CFTR: variants seen among roughly 807,000 people sequenced by gnomAD.
The protein encoded by CFTR is cystic fibrosis transmembrane conductance regulator.
In CFTR, 181 loss-of-function variants were observed where a neutral mutation model predicts 171.6. That is an observed-to-expected ratio of 1.05 (90% CI 0.93 to 1.19). The LOEUF is 1.19. CFTR is among the 50% of genes most tolerant of loss of function. CFTR has a pLI of 0.00. For missense variants in CFTR, 1,968 were observed against 1,734.7 expected, an observed-to-expected ratio of 1.13 and a Z score of -2.39; for synonymous variants, 583 against 608.0, an observed-to-expected ratio of 0.96 and a Z score of 0.60.
At chr7:117,612,030 T>TATATATATATATAC (rs1792405141) in intron 20 of CFTR, among the ~76,000 whole-genome samples, 5 of 75,328 alleles carry the variant, frequency 6.6e-5, no homozygotes, top group Non-Finnish European at 1.4e-4. Flanking sequence ...TATGTATATA[T>TATATATATATATAC]ATATATATAT....
rs745374522 is a variant in CFTR, at chr7:117,504,246, A to G, written c.54-7A>G. Reference sequence around the variant, plus strand: ...GTGAATATCTGTTCCTCCTCTCTTTATTTTAGCTGGACCAGACCAATTTTG... The same window carrying G: ...GTGAATATCTGTTCCTCCTCTCTTTGTTTTAGCTGGACCAGACCAATTTTG... On this transcript the variant is annotated splice_region_variant and splice_polypyrimidine_tract_variant and intron_variant, in intron 1 of 26. Coordinates refer to ENST00000003084, the MANE Select transcript of CFTR (RefSeq NM_000492.4). The G allele has an allele frequency of 6.5e-7, 1 of 1,545,268 alleles. No homozygotes were observed. The highest frequency in any genetic ancestry group is 1.1e-5 in the South Asian group (1 of 89,702).
intron 3 of CFTR, among the ~76,000 whole-genome samples, chr7:117,515,690 A>G (rs1365156290): frequency 1.3e-5 from 2 of 152,222 alleles, no homozygotes; most frequent in Non-Finnish European, 2.9e-5. Context: ...TCTGTGAAGA[A>G]TGTCAATGGT....
chr7:117,607,206 C>T (rs1212515591), intron 18 of CFTR, among the ~76,000 whole-genome samples: 1 of 152,120 alleles, frequency 6.6e-6, no homozygotes, highest in East Asian at 1.9e-4. Flanking sequence ...AGCCCATTCC[C>T]CCACAGTAAG....
intron 11 of CFTR, among the ~76,000 whole-genome samples, chr7:117,579,327 A>G (rs1584806775): frequency 6.6e-6 from 1 of 151,936 alleles, no homozygotes; most frequent in Non-Finnish European, 1.5e-5. Context: ...ATACATCCCA[A>G]TGAGGTTGGT....
At chr7:117,529,539 A>G (rs1283300321) in intron 3 of CFTR, among the ~76,000 whole-genome samples, 1 of 151,130 alleles carries the variant, frequency 6.6e-6, no homozygotes, top group Non-Finnish European at 1.5e-5. Context: ...AAAAGTTTGA[A>G]TGTTTTCTTG....
At chr7:117,510,030 A>G (rs34463627) in intron 3 of CFTR, among the ~76,000 whole-genome samples, 2,234 of 152,258 alleles carry the variant, frequency 0.015, 53 homozygotes, top group African/African-American at 0.051. Context: ...ACCCCCATGA[A>G]AAATACATTT....
At chr7:117,561,939 G>C (rs1168581070) in intron 11 of CFTR, among the ~76,000 whole-genome samples, 1 of 152,040 alleles carries the variant, frequency 6.6e-6, no homozygotes, top group African/African-American at 2.4e-5. Context: ...TGAAAGTTAG[G>C]GCCTTGAAGA....
At chr7:117,629,956 T>G (rs1242134826) in intron 22 of CFTR, among the ~76,000 whole-genome samples, 1 of 152,200 alleles carries the variant, frequency 6.6e-6, no homozygotes, top group Non-Finnish European at 1.5e-5. Flanking sequence ...GCAGGGATCT[T>G]AAACCCAGAT....
At chr7:117,634,776 T>C (rs1234301913) in intron 22 of CFTR, among the ~76,000 whole-genome samples, 1 of 152,166 alleles carries the variant, frequency 6.6e-6, no homozygotes, top group East Asian at 1.9e-4. Context: ...CTTTCTGTTA[T>C]TGATTTCTAG....
intron 10 of CFTR, among the ~76,000 whole-genome samples, chr7:117,555,492 A>G (rs34849722): frequency 0.037 from 5,659 of 152,294 alleles, 146 homozygotes; most frequent in African/African-American, 0.045. Context: ...TTCTCTCTCC[A>G]GTAAATTGCA....
rs546045293 is a variant in CFTR, at chr7:117,632,473, G to A, written c.3717+4703G>A. 2.6e-5 allele frequency among the ~76,000 whole-genome samples: 4 copies of A among 151,830 alleles called. No individual in the cohort carries two copies. The South Asian group carries it at 8.4e-4, about 32-fold the overall frequency. ...AGCTACTTAGGAGACTGAGGCAGGA[G>A]GATCGCTTGAGCCCAGGAGATTAAG... On this transcript the variant is annotated intron_variant, in intron 22 of 26. Coordinates refer to ENST00000003084, the MANE Select transcript of CFTR (RefSeq NM_000492.4).
chr7:117,606,996 CT>C (rs998835162), intron 18 of CFTR, among the ~76,000 whole-genome samples: 2 of 152,104 alleles, frequency 1.3e-5, no homozygotes, highest in African/African-American at 4.8e-5. Context: ...TAGCTGTCTA[CT>C]TGGGAGTGAT....
At chr7:117,575,866 C>G (rs1025419501) in intron 11 of CFTR, among the ~76,000 whole-genome samples, 1 of 152,104 alleles carries the variant, frequency 6.6e-6, no homozygotes, top group Non-Finnish European at 1.5e-5. Flanking sequence ...CAGTTCTATA[C>G]ATTGCATTAC....
At chr7:117,512,712 AG>A (rs1798538811) in intron 3 of CFTR, among the ~76,000 whole-genome samples, 2 of 151,834 alleles carry the variant, frequency 1.3e-5, no homozygotes, top group South Asian at 4.2e-4. Flanking sequence ...GAGTCAGTCA[AG>A]GATAGTTTGA....
At chr7:117,532,624 G>A (rs1798881863) in intron 4 of CFTR, among the ~76,000 whole-genome samples, 1 of 152,078 alleles carries the variant, frequency 6.6e-6, no homozygotes, top group African/African-American at 2.4e-5. Context: ...CAAATAAGGG[G>A]CAGGTTAGTT....
intron 1 of CFTR, among the ~76,000 whole-genome samples, chr7:117,494,605 AG>A (rs1382930889): frequency 3.3e-5 from 5 of 152,174 alleles, no homozygotes; most frequent in Non-Finnish European, 7.4e-5. Flanking sequence ...TTTCTGTCAA[AG>A]GACAGAGAAA....
chr7:117,625,329 G>A (rs938038983), intron 21 of CFTR, among the ~76,000 whole-genome samples: 7 of 152,160 alleles, frequency 4.6e-5, no homozygotes, highest in Admixed American at 2.6e-4. Flanking sequence ...TGTCACATTT[G>A]ACATTAGAAG....
At chr7:117,519,785 A>T (rs533392288) in intron 3 of CFTR, among the ~76,000 whole-genome samples, 1 of 151,956 alleles carries the variant, frequency 6.6e-6, no homozygotes, top group South Asian at 2.1e-4. Flanking sequence ...ATATGGCTGT[A>T]CCATGATTTA....
chr7:117,666,599 G>A (rs997058862), intron 26 of CFTR, among the ~76,000 whole-genome samples: 2 of 152,082 alleles, frequency 1.3e-5, no homozygotes, highest in African/African-American at 2.4e-5. Flanking sequence ...GTAGACTTAC[G>A]CTCATTTTCT....
Sources: gnomAD v4.1 joint callset for allele counts (sites outside exome capture counted in the v4.1 genomes callset) on GRCh38, gnomAD v4.1.1 for gene constraint, MANE v1.5 for transcripts, NCBI Gene and HGNC (gene_info 2026-07-23, HGNC 2026-07-21) for gene names.